The following ZNF880 variants were observed in gnomAD, a reference collection of about 807,000 sequenced individuals.
ZNF880 encodes the protein zinc finger protein LOC400713.
In ZNF880, 12 loss-of-function variants were observed where a neutral mutation model predicts 11.8. The ratio of observed to expected loss-of-function variants is 1.02; its 90% CI spans 0.65 to 1.65. The LOEUF (loss-of-function observed/expected upper bound fraction) is 1.65, where lower values mean the gene tolerates loss of function less well. ZNF880 is among the 40% of genes most tolerant of loss of function. ZNF880 has a pLI of 0.00. For synonymous variants in ZNF880, 210 were observed against 232.4 expected, an observed-to-expected ratio of 0.90 and a Z score of 0.88; for missense variants, 601 against 673.9, an observed-to-expected ratio of 0.89 and a Z score of 1.20.
At chr19:52,388,281 A>AATTTTTTTTTTTTTT (rs1298446341), downstream of ZNF880, among the ~76,000 whole-genome samples, 5 of 38,902 alleles carry the variant, frequency 1.3e-4, no homozygotes, top group Admixed American at 2.6e-4. Flanking sequence ...GGCAATTTGA[A>AATTTTTTTTTTTTTT]CTTTTTTTTT....
upstream of ZNF880, among the ~76,000 whole-genome samples, chr19:52,369,631 A>G (rs1393796524): frequency 6.6e-6 from 1 of 151,972 alleles, no homozygotes; most frequent in Non-Finnish European, 1.5e-5. Flanking sequence ...CCTCCACCTC[A>G]TGGGCTCAAG....
In ZNF880 at chr19:52,373,959, G is replaced by A. The variant is rs555872740; in HGVS notation, c.140-340G>A. 9.9e-5 allele frequency among the ~76,000 whole-genome samples: 15 copies of A among 152,132 alleles called. No individual in the cohort carries two copies. In the South Asian group the frequency reaches 3.1e-3, roughly 32 times the overall value. On this transcript the variant is annotated intron_variant, in intron 2 of 3. Transcript: ENST00000422689. ...GCTGAGATTATAGGCGTGAGCCACC[G>A]TGCCTGGCGAAATACTATTCTTGAT...
chr19:52,390,181 G>A (rs1230326396), downstream of ZNF880: 2 of 178,464 alleles, frequency 1.1e-5, no homozygotes, highest in South Asian at 7.2e-5. Context: ...AGCTCTTATC[G>A]CGGAGTTTTC....
chr19:52,388,282 C>CTTTTTTTTTTTTTTT (rs68179783), downstream of ZNF880, among the ~76,000 whole-genome samples: 1,369 of 63,374 alleles, frequency 0.022, 368 homozygotes, highest in African/African-American at 0.04. Context: ...GCAATTTGAA[C>CTTTTTTTTTTTTTTT]TTTTTTTTTT....
chr19:52,388,375 C>T (rs183821816), downstream of ZNF880, among the ~76,000 whole-genome samples: 125 of 142,858 alleles, frequency 8.7e-4, no homozygotes, highest in African/African-American at 3.1e-3. Context: ...CTCTGCCTCC[C>T]GGGTTCAAAC....
chr19:52,373,067 A>T (rs1250714281), intron 1 of ZNF880, 44 bp from the exon 2 acceptor site: 3 of 1,607,260 alleles, frequency 1.9e-6, no homozygotes. Context: ...CTGTCTCCTC[A>T]TTTTGTGTGA....
chr19:52,391,818 A>G, the ZNF880 span, among the ~76,000 whole-genome samples: 1 of 152,096 alleles, frequency 6.6e-6, no homozygotes, highest in Non-Finnish European at 1.5e-5. Context: ...CACTATCTTC[A>G]CTTCTGGGAT....
Position 52,373,542 on chromosome 19 carries a change from G to A in ZNF880, c.139+305G>A, listed in dbSNP as rs186271646. On this transcript the variant is annotated intron_variant, in intron 2 of 3. Coordinates refer to ENST00000422689, the MANE Select transcript of ZNF880 (RefSeq NM_001145434.2). ...CCTTATGACAGACTTAAGATATACA[G>A]TTCTGTGTTATCCACCCCTGTGCTT... 7.9e-5 allele frequency among the ~76,000 whole-genome samples: 12 copies of A among 152,120 alleles called. No homozygotes were observed. In the East Asian group the frequency reaches 2.1e-3, roughly 27 times the overall value.
chr19:52,369,112 C>T (rs577357040), upstream of ZNF880, among the ~76,000 whole-genome samples: 1 of 150,474 alleles, frequency 6.6e-6, no homozygotes, highest in East Asian at 1.9e-4. Flanking sequence ...CCTGTAATCC[C>T]AACATTTTGG....
chr19:52,386,139 TC>T (rs1356207987), downstream of ZNF880, among the ~76,000 whole-genome samples: 4 of 118,850 alleles, frequency 3.4e-5, 1 homozygote, highest in African/African-American at 1.5e-4. Context: ...GCCACTGCAC[TC>T]CAGCCTGGGG....
At chr19:52,379,223 T>A (rs1251973191) in intron 3 of ZNF880, among the ~76,000 whole-genome samples, 1 of 63,652 alleles carries the variant, frequency 1.6e-5, no homozygotes, top group Non-Finnish European at 3.9e-5. Context: ...TTTGAGGACC[T>A]TTATTTTATT....
In ZNF880 at chr19:52,379,090, A is replaced by G. The variant is rs1183985118; in HGVS notation, c.268+4663A>G. ...CCCTGTCTCAGAAAAAAAAATAAGA[A>G]GAAAATAAAAAATAAATGAACTTAT... On this transcript the variant is annotated intron_variant, in intron 3 of 3. Coordinates refer to ENST00000422689, the MANE Select transcript of ZNF880 (RefSeq NM_001145434.2). Among the ~76,000 whole-genome samples the G allele has an allele frequency of 1.9e-4, 27 of 140,074 alleles. No individual in the cohort carries two copies. In the Admixed American group the frequency reaches 2.0e-3, roughly 10 times the overall value. The allele number at this position is 140,074 out of a possible 152,430, so 91.9% of individuals were successfully genotyped here.
At position 52,369,975 on chromosome 19, in the gene ZNF880, CGTGT is replaced by C; in HGVS notation, c.12_12+3del. On this transcript the variant is annotated splice_donor_variant and coding_sequence_variant, in exon 1 of 4. Transcript: ENST00000422689. LOFTEE classifies it high-confidence loss of function. ...ACGTGGAGTGACGGTCATGCTGCGG[CGTGT>C]GAGTTTCCCTTTGTTTAGATTAAAT... 1 of 1,551,670 alleles carries C rather than the reference CGTGT, an allele frequency of 6.4e-7. No individual in the cohort carries two copies. Among genetic ancestry groups the C allele is most frequent in the Non-Finnish European group, 8.7e-7 (1 of 1,147,002 alleles).
rs1289808138 is a variant in ZNF880 at position 52,384,556 on chromosome 19, T to TG, written c.977dup (p.Cys326TrpfsTer2). 6.8e-6 allele frequency: 11 copies of TG among 1,613,828 alleles called. No homozygotes were observed. The highest frequency in any genetic ancestry group is 9.3e-6 in the Non-Finnish European group (11 of 1,179,954). ...TCATAGTGGAGAGAAACCTTACAAATGTAAGGAATGTGGCAAAGCATTTTC... is the reference window on the plus strand; with the variant it reads ...TCATAGTGGAGAGAAACCTTACAAATGGTAAGGAATGTGGCAAAGCATTTTC... On this transcript the variant is annotated frameshift_variant, in exon 4 of 4. Transcript: ENST00000422689. LOFTEE classifies it low-confidence loss of function (END_TRUNC).
At chr19:52,387,452 CT>C (rs10646059), downstream of ZNF880, among the ~76,000 whole-genome samples, 91 of 127,248 alleles carry the variant, frequency 7.2e-4, 2 homozygotes, top group African/African-American at 8.8e-4. Flanking sequence ...ATGACAAATA[CT>C]TTTTTTTTTT....
Position 52,385,345 on chromosome 19 carries a change from T to C in ZNF880, c.*31T>C. The C allele has an allele frequency of 1.3e-6, 2 of 1,543,526 alleles. No individual in the cohort carries two copies. Among genetic ancestry groups the C allele is most frequent in the Non-Finnish European group, 1.8e-6 (2 of 1,140,802 alleles). On this transcript the variant is annotated 3_prime_UTR_variant, in exon 4 of 4. Coordinates refer to ENST00000422689, the MANE Select transcript of ZNF880 (RefSeq NM_001145434.2). The stretch of plus-strand genomic sequence containing the variant: ...GTGTGGTAAGATCTTTAGTAATAAT[T>C]CACACCTTGCACAGCATGAGATAAT...
intron 3 of ZNF880, among the ~76,000 whole-genome samples, chr19:52,380,577 G>A (rs62108319): frequency 0.36 from 54,962 of 151,818 alleles, 10,228 homozygotes; most frequent in South Asian, 0.51. Flanking sequence ...GGTTTGATTT[G>A]CAAATATTTT....
chr19:52,371,067 G>A (rs1462189830), intron 1 of ZNF880, among the ~76,000 whole-genome samples: 2 of 152,206 alleles, frequency 1.3e-5, no homozygotes, highest in Admixed American at 6.5e-5. Context: ...GTGTGGATGA[G>A]TGCACAGATG....
chr19:52,384,552 C>T lies in ZNF880; in HGVS notation c.972C>T (p.Tyr324=). The change falls in exon 4 of 4, where the codon TAC becomes TAT. Residue 324 remains tyrosine, a synonymous_variant. Transcript: ENST00000422689. ...HQKIHSGEKP[Y]KCKECGKAFS... is the part of the protein sequence containing the mutation. The stretch of plus-strand genomic sequence containing the variant: ...AAATTCATAGTGGAGAGAAACCTTA[C>T]AAATGTAAGGAATGTGGCAAAGCAT... The T allele has an allele frequency of 6.2e-7, 1 of 1,613,942 alleles. No individual in the cohort carries two copies. The highest frequency in any genetic ancestry group is 8.5e-7 in the Non-Finnish European group (1 of 1,179,920).
Sources: gnomAD v4.1 joint callset for allele counts (sites outside exome capture counted in the v4.1 genomes callset) on GRCh38, gnomAD v4.1.1 for gene constraint, MANE v1.5 for transcripts, NCBI Gene and HGNC (gene_info 2026-07-23, HGNC 2026-07-21) for gene names.